SNCAIP: variants seen among roughly 807,000 people sequenced by gnomAD.
SNCAIP encodes the protein synphilin-1.
In SNCAIP, 43 loss-of-function variants were observed where a neutral mutation model predicts 86.7. That is an observed-to-expected ratio of 0.50 (90% CI 0.39 to 0.64). The LOEUF is 0.64. Ranked by LOEUF, SNCAIP falls within the 30% of genes least tolerant of loss-of-function variation. The pLI, the probability that SNCAIP is intolerant of heterozygous loss-of-function variation, is 0.00. For missense variants in SNCAIP, 981 were observed against 1,103.1 expected (o/e 0.89, Z 1.57); for synonymous variants, 417 against 427.2 (o/e 0.98, Z 0.29).
intron 3 of SNCAIP, among the ~76,000 whole-genome samples, chr5:122,419,375 C>T (rs1775931973): frequency 6.6e-6 from 1 of 152,158 alleles, no homozygotes. Context: ...AAGTGGCATT[C>T]CAAGTGTCAG....
chr5:122,448,929 TG>T (rs1398219930), intron 8 of SNCAIP, among the ~76,000 whole-genome samples: 2 of 149,174 alleles, frequency 1.3e-5, no homozygotes, highest in Non-Finnish European at 3.0e-5. Context: ...GGCAGGAGAA[TG>T]GCGTGAACCC....
chr5:122,315,705 C>G (rs757318550), intron 1 of SNCAIP, among the ~76,000 whole-genome samples: 2 of 151,990 alleles, frequency 1.3e-5, no homozygotes, highest in Non-Finnish European at 2.9e-5. Context: ...TCTATAAACC[C>G]CAGGTAGAGG....
chr5:122,445,733 GA>G (rs1312511081), intron 8 of SNCAIP, among the ~76,000 whole-genome samples: 2 of 113,468 alleles, frequency 1.8e-5, no homozygotes, highest in Non-Finnish European at 1.9e-5. Context: ...AAAAAAAAAA[GA>G]AAAAAACCTT....
intron 1 of SNCAIP, among the ~76,000 whole-genome samples, chr5:122,325,352 C>A (rs775789701): frequency 6.6e-6 from 1 of 152,086 alleles, no homozygotes; most frequent in Non-Finnish European, 1.5e-5. Context: ...ATTCCCTGGG[C>A]TCCCATCTTA....
chr5:122,432,085 A>AT lies in SNCAIP; in HGVS notation c.1296+4dup. 3.0e-6 allele frequency: 4 copies of AT among 1,338,354 alleles called. No homozygotes were observed. The highest frequency in any genetic ancestry group is 4.3e-6 in the Non-Finnish European group (4 of 928,670). The allele number at this position is 1,338,354 out of a possible 1,614,324, so 82.9% of individuals were successfully genotyped here. A position where few individuals can be genotyped will look rare whatever the true frequency, so the allele number is the denominator to read the frequency against. ...ATTACGCAGGTTGCTATGGCCAGGT[A>AT]TGAAGGAGTTTTTTAAGTATCTTCC... is the stretch of plus-strand genomic sequence containing the variant. On this transcript the variant is annotated splice_donor_region_variant and intron_variant, in intron 6 of 10. Coordinates refer to ENST00000261368, the MANE Select transcript of SNCAIP (RefSeq NM_005460.4).
intron 1 of SNCAIP, among the ~76,000 whole-genome samples, chr5:122,335,306 A>G (rs551884999): frequency 2.2e-4 from 33 of 152,362 alleles, no homozygotes; most frequent in African/African-American, 7.9e-4. Context: ...CAGTGTCAAA[A>G]TAACAGTTCA....
At chr5:122,335,535 G>T (rs1032521141) in intron 1 of SNCAIP, among the ~76,000 whole-genome samples, 8 of 152,322 alleles carry the variant, frequency 5.3e-5, no homozygotes, top group Admixed American at 3.9e-4. Flanking sequence ...GTTTGGCAGA[G>T]GGTTTCTCTG....
intron 3 of SNCAIP, among the ~76,000 whole-genome samples, chr5:122,410,458 T>C (rs1422452486): frequency 6.6e-6 from 1 of 152,146 alleles, no homozygotes; most frequent in Non-Finnish European, 1.5e-5. Flanking sequence ...AGGAAAGATG[T>C]AGGTCAATGT....
chr5:122,351,553 A>AAAAAAAAAAAAAG (rs1759826592), intron 1 of SNCAIP, among the ~76,000 whole-genome samples: 1 of 143,940 alleles, frequency 6.9e-6, no homozygotes, highest in East Asian at 2.0e-4. Flanking sequence ...AAAAAAAAAA[A>AAAAAAAAAAAAAG]AAAAAAAAAA....
chr5:122,341,022 A>T (rs1757464735), intron 1 of SNCAIP, among the ~76,000 whole-genome samples: 1 of 152,190 alleles, frequency 6.6e-6, no homozygotes. Flanking sequence ...AATGTTTTTT[A>T]ATGCATTTCT....
intron 1 of SNCAIP, among the ~76,000 whole-genome samples, chr5:122,329,853 A>G (rs190251407): frequency 6.6e-6 from 1 of 152,320 alleles, no homozygotes; most frequent in African/African-American, 2.4e-5. Context: ...TGGAACTTCA[A>G]GTGGAGCCAT....
At position 122,363,511 on chromosome 5, in the gene SNCAIP, C is replaced by A. The variant is rs536040196; in HGVS notation, c.-46-27578C>A. 9.9e-5 allele frequency among the ~76,000 whole-genome samples: 15 copies of A among 152,220 alleles called. No individual in the cohort carries two copies. In the South Asian group the frequency reaches 3.1e-3, roughly 32 times the overall value. On this transcript the variant is annotated intron_variant, in intron 1 of 10. Coordinates refer to ENST00000261368, the MANE Select transcript of SNCAIP (RefSeq NM_005460.4). Reference sequence around the variant, plus strand: ...GTTGATATTGCCTCCCCTTGCCATACCTTACCTGGGAAAGTGAGGCCCAGG... The same window carrying A: ...GTTGATATTGCCTCCCCTTGCCATAACTTACCTGGGAAAGTGAGGCCCAGG...
intron 2 of SNCAIP, among the ~76,000 whole-genome samples, chr5:122,398,868 A>T (rs1005594594): frequency 2.0e-5 from 3 of 152,132 alleles, no homozygotes; most frequent in Non-Finnish European, 4.4e-5. Context: ...GAAATCACGC[A>T]CTGTCATTAT....
intron 1 of SNCAIP, among the ~76,000 whole-genome samples, chr5:122,345,445 T>C (rs988701151): frequency 1.5e-4 from 23 of 152,154 alleles, no homozygotes; most frequent in African/African-American, 5.6e-4. Flanking sequence ...GGCACCTGTT[T>C]ATTACAGATT....
intron 1 of SNCAIP, among the ~76,000 whole-genome samples, chr5:122,349,017 G>T (rs1343931782): frequency 6.6e-6 from 1 of 151,886 alleles, no homozygotes. Context: ...TGTGATCTTT[G>T]TCACTATTTC....
chr5:122,389,870 G>A (rs1054755196), intron 1 of SNCAIP: 11 of 151,888 alleles, frequency 7.2e-5, no homozygotes, highest in African/African-American at 2.7e-4. Context: ...ATGGGTTTGA[G>A]GTAAGGAATG....
intron 10 of SNCAIP, chr5:122,452,958 A>G (rs950220068): frequency 2.6e-6 from 4 of 1,549,114 alleles, no homozygotes; most frequent in African/African-American, 1.4e-5. Flanking sequence ...TCTTTCCTCT[A>G]ACATGCTGAT....
intron 1 of SNCAIP, among the ~76,000 whole-genome samples, chr5:122,347,363 G>A (rs1758816489): frequency 2.0e-5 from 3 of 150,318 alleles, no homozygotes; most frequent in South Asian, 4.2e-4. Flanking sequence ...TTTTTGACCG[G>A]TTGTAGGAGT....
rs1173396593 is a variant in SNCAIP at position 122,455,914 on chromosome 5, TCTTTA to T, written c.2754+4319_2754+4323del. 8.5e-5 allele frequency among the ~76,000 whole-genome samples: 13 copies of T among 152,358 alleles called. No individual in the cohort carries two copies. In the East Asian group the frequency reaches 1.3e-3, roughly 16 times the overall value. Reference sequence around the variant, plus strand: ...ACTTGGTTTATAACAAGCAGATTTATCTTTACTTTATCTTACAAAAGACAAGTTGT... The same window carrying T: ...ACTTGGTTTATAACAAGCAGATTTATCTTTATCTTACAAAAGACAAGTTGT... On this transcript the variant is annotated intron_variant, in intron 10 of 10. Coordinates refer to ENST00000261368, the MANE Select transcript of SNCAIP (RefSeq NM_005460.4).
Sources: gnomAD v4.1 joint callset for allele counts (sites outside exome capture counted in the v4.1 genomes callset) on GRCh38, gnomAD v4.1.1 for gene constraint, MANE v1.5 for transcripts, NCBI Gene and HGNC (gene_info 2026-07-23, HGNC 2026-07-21) for gene names.